LRRC4C: variants seen among roughly 807,000 people sequenced by gnomAD.
The protein encoded by LRRC4C is leucine rich repeat containing 4C.
LRRC4C carries 5 observed loss-of-function variants against 33.6 expected under a neutral mutation model. That is an observed-to-expected ratio of 0.15 (90% CI 0.08 to 0.31). The LOEUF (loss-of-function observed/expected upper bound fraction) is 0.31. LRRC4C is among the 10% of genes least tolerant of loss of function. The pLI is 1.00. For synonymous variants in LRRC4C, 329 were observed against 302.0 expected (o/e 1.09, Z -0.93); for missense variants, 560 against 796.7 (o/e 0.70, Z 3.58).
intron 3 of LRRC4C, among the ~76,000 whole-genome samples, chr11:40,375,534 T>G (rs1380233273): frequency 2.0e-5 from 3 of 152,138 alleles, no homozygotes; most frequent in African/African-American, 7.2e-5. Context: ...TTTGCCAAGG[T>G]CTAACATTTT....
intron 3 of LRRC4C, among the ~76,000 whole-genome samples, chr11:40,423,337 T>G (rs35728580): frequency 7.4e-6 from 1 of 135,026 alleles, no homozygotes; most frequent in Non-Finnish European, 1.6e-5. Flanking sequence ...GTTGTTCATG[T>G]TCTTTTTTTT....
At chr11:40,612,850 T>G (rs1015177975) in intron 3 of LRRC4C, among the ~76,000 whole-genome samples, 8 of 151,874 alleles carry the variant, frequency 5.3e-5, no homozygotes, top group African/African-American at 1.7e-4. Flanking sequence ...AAAGCAAATA[T>G]AGCAATAAAG....
At chr11:40,596,181 A>G (rs1959270960) in intron 3 of LRRC4C, among the ~76,000 whole-genome samples, 1 of 152,220 alleles carries the variant, frequency 6.6e-6, no homozygotes, top group African/African-American at 2.4e-5. Context: ...CCCACAACTC[A>G]TGGCGCAAGG....
chr11:41,190,091 C>G (rs990041982), intron 1 of LRRC4C, among the ~76,000 whole-genome samples: 1 of 152,110 alleles, frequency 6.6e-6, no homozygotes, highest in African/African-American at 2.4e-5. Flanking sequence ...ACTGTAAAAA[C>G]GGACATTCAT....
intron 1 of LRRC4C, among the ~76,000 whole-genome samples, chr11:41,304,135 C>T (rs1950386129): frequency 1.2e-5 from 1 of 85,270 alleles, no homozygotes; most frequent in African/African-American, 3.1e-5. Flanking sequence ...GTGAGGAGCC[C>T]CTCAGCCCGG....
chr11:41,034,436 AC>A (rs1555048044), intron 1 of LRRC4C, among the ~76,000 whole-genome samples: 2 of 12,566 alleles, frequency 1.6e-4, no homozygotes, highest in Non-Finnish European at 4.7e-4. Flanking sequence ...CAATCCAAAC[AC>A]ACACACACAC....
intron 3 of LRRC4C, among the ~76,000 whole-genome samples, chr11:40,343,664 CAA>C (rs34807268): frequency 2.2e-5 from 2 of 92,898 alleles, no homozygotes; most frequent in Admixed American, 1.1e-4. Context: ...AAATTCTAGA[CAA>C]AAAAAAACTT....
At chr11:40,404,443 C>G (rs1202206015) in intron 3 of LRRC4C, among the ~76,000 whole-genome samples, 1 of 152,152 alleles carries the variant, frequency 6.6e-6, no homozygotes, top group African/African-American at 2.4e-5. Context: ...AGTTGCCAAG[C>G]CAGATATCTT....
intron 1 of LRRC4C, among the ~76,000 whole-genome samples, chr11:41,045,821 C>T (rs902403585): frequency 6.6e-6 from 1 of 152,072 alleles, no homozygotes; most frequent in Non-Finnish European, 1.5e-5. Flanking sequence ...CTGTGGGTAT[C>T]TTTTGCCCTG....
chr11:40,497,791 C>A (rs1954542206), intron 3 of LRRC4C, among the ~76,000 whole-genome samples: 1 of 152,120 alleles, frequency 6.6e-6, no homozygotes, highest in South Asian at 2.1e-4. Flanking sequence ...TTAGGTTCCT[C>A]CTCTTTCTGA....
At chr11:41,406,810 G>A (rs1954258821) in intron 1 of LRRC4C, among the ~76,000 whole-genome samples, 1 of 150,128 alleles carries the variant, frequency 6.7e-6, no homozygotes, top group African/African-American at 2.5e-5. Context: ...TAAAAGTAAG[G>A]GTATTTAACA....
chr11:40,121,116 T>G (rs951077636), intron 6 of LRRC4C, among the ~76,000 whole-genome samples: 1 of 152,146 alleles, frequency 6.6e-6, no homozygotes, highest in Middle Eastern at 3.2e-3. Flanking sequence ...TATCGCTTAT[T>G]CAAATTTGTG....
At chr11:40,488,928 T>A (rs1295702166) in intron 3 of LRRC4C, among the ~76,000 whole-genome samples, 4 of 152,038 alleles carry the variant, frequency 2.6e-5, no homozygotes, top group African/African-American at 9.7e-5. Flanking sequence ...CTTTATTTTT[T>A]AAAAATGGAG....
Position 40,335,029 on chromosome 11 carries a change from A to T in LRRC4C, c.-269-15308T>A, listed in dbSNP as rs1946535891. Reference sequence around the variant, plus strand: ...TTATAACTTTTAAAATAACTAAGCAACAATAGATTTTTCTCATAAATAATA... The same window carrying T: ...TTATAACTTTTAAAATAACTAAGCATCAATAGATTTTTCTCATAAATAATA... On this transcript the variant is annotated intron_variant, in intron 3 of 6. Coordinates refer to ENST00000528697, the MANE Select transcript of LRRC4C (RefSeq NM_001258419.2). 2.0e-5 allele frequency among the ~76,000 whole-genome samples: 3 copies of T among 152,250 alleles called. No homozygotes were observed. In the South Asian group the frequency reaches 6.2e-4, roughly 32 times the overall value.
intron 1 of LRRC4C, among the ~76,000 whole-genome samples, chr11:41,391,124 C>G (rs994659444): frequency 1.3e-5 from 2 of 151,786 alleles, no homozygotes; most frequent in African/African-American, 4.8e-5. Flanking sequence ...ATCAGTGACT[C>G]TTAAACTCTG....
chr11:40,925,143 C>CTCTT (rs1957364181), intron 2 of LRRC4C, among the ~76,000 whole-genome samples: 1 of 151,984 alleles, frequency 6.6e-6, no homozygotes, highest in African/African-American at 2.4e-5. Context: ...CTCTCTCTCT[C>CTCTT]TCTTTCCTGT....
chr11:40,678,007 C>A (rs559535634), intron 2 of LRRC4C, among the ~76,000 whole-genome samples: 21 of 152,092 alleles, frequency 1.4e-4, no homozygotes, highest in Non-Finnish European at 2.2e-4. Context: ...GCCATAGTAA[C>A]CTTAAGAGTA....
chr11:40,692,505 C>A (rs528706932), intron 2 of LRRC4C, among the ~76,000 whole-genome samples: 1 of 151,872 alleles, frequency 6.6e-6, no homozygotes, highest in African/African-American at 2.4e-5. Context: ...TTTAACAATG[C>A]AGAAGTGGGG....
chr11:40,194,586 C>T (rs942569054), intron 5 of LRRC4C, among the ~76,000 whole-genome samples: 6 of 149,114 alleles, frequency 4.0e-5, no homozygotes, highest in African/African-American at 1.5e-4. Flanking sequence ...CATATGGGCA[C>T]AGTGGGGGGA....
Sources: allele counts gnomAD v4.1 joint callset (sites outside exome capture counted in the v4.1 genomes callset), GRCh38; gene constraint gnomAD v4.1.1; transcripts MANE v1.5; gene names NCBI Gene and HGNC (gene_info 2026-07-23, HGNC 2026-07-21).